Variants in PUDP observed in about 807,000 individuals in gnomAD.
PUDP encodes pseudouridine 5'-phosphatase.
A neutral mutation model predicts 9.4 loss-of-function variants in PUDP; 8 were observed. That is an observed-to-expected ratio of 0.85 (90% CI 0.50 to 1.53). PUDP has a LOEUF of 1.53. PUDP is among the 40% of genes most tolerant of loss of function. The probability of loss-of-function intolerance (pLI) is 0.00; values close to 1 mark genes in which losing one functional copy is unlikely to be tolerated. For missense variants in PUDP, 188 were observed against 189.7 expected (o/e 0.99, Z 0.05); for synonymous variants, 99 against 80.7 (o/e 1.23, Z -1.22).
At chrX:6,926,351 C>T (rs1441954591) in intron 3 of PUDP, among the ~76,000 whole-genome samples, 2 of 112,050 alleles carry the variant, frequency 1.8e-5, no homozygotes, top group African/African-American at 6.5e-5. Context: ...GGAATTAGAG[C>T]ACCTAAAAAT....
chrX:7,023,263 TA>T (rs1929658311), intron 1 of PUDP, among the ~76,000 whole-genome samples: 1 of 111,971 alleles, frequency 8.9e-6, no homozygotes, highest in African/African-American at 3.2e-5. Context: ...TGCAGGAATA[TA>T]AAAATATCTG....
Position 6,787,324 on chromosome X carries a change from G to A in PUDP, c.*248-80858C>T, listed in dbSNP as rs746613902. 1.5e-3 allele frequency among the ~76,000 whole-genome samples: 170 copies of A among 112,269 alleles called. 1 individual carries two copies. The highest frequency in any genetic ancestry group is 2.9e-3 in the Non-Finnish European group (153 of 53,307). On this transcript the variant is annotated intron_variant and NMD_transcript_variant, in intron 3 of 3. Coordinates refer to the PUDP transcript ENST00000655425. ...TAGACCTTGGGCTAGCTGCTAAGTA[G>A]AAGCTGAAACATCTGTGTCTCTGCT...
intron 3 of PUDP, among the ~76,000 whole-genome samples, chrX:6,733,793 T>TTTTTTTG: frequency 1.1e-5 from 1 of 93,408 alleles, no homozygotes; most frequent in Non-Finnish European, 2.1e-5. Flanking sequence ...TTTTTTTTTT[T>TTTTTTTG]TTGAGATGGA....
intron 1 of PUDP, among the ~76,000 whole-genome samples, chrX:6,988,159 C>A (rs1929127919): frequency 8.9e-6 from 1 of 112,022 alleles, no homozygotes; most frequent in African/African-American, 3.2e-5. Flanking sequence ...GGAACCACCA[C>A]GAAAAGGCAG....
chrX:6,964,446 A>T (rs6638645), intron 3 of PUDP, among the ~76,000 whole-genome samples: 2 of 110,661 alleles, frequency 1.8e-5, no homozygotes, highest in Admixed American at 1.9e-4. Context: ...GCTGAGGAAG[A>T]CAGTCTGCTT....
At chrX:6,923,539 G>A (rs191396781) in intron 3 of PUDP, among the ~76,000 whole-genome samples, 10 of 111,245 alleles carry the variant, frequency 9.0e-5, no homozygotes, top group Non-Finnish European at 1.7e-4. Context: ...GTGATCCTTG[G>A]GTCAGTGCTT....
chrX:7,122,439 A>C (rs1369117980), intron 1 of PUDP, among the ~76,000 whole-genome samples: 2 of 111,349 alleles, frequency 1.8e-5, no homozygotes, highest in African/African-American at 6.5e-5. Context: ...CTTCCTGTGT[A>C]CTTCCTTTCC....
intron 1 of PUDP, chrX:7,116,955 C>T (rs993112059): frequency 8.6e-7 from 1 of 1,166,158 alleles, no homozygotes. Context: ...TACATGCCTG[C>T]TCCTGCTTAC....
intron 3 of PUDP, among the ~76,000 whole-genome samples, chrX:6,798,111 T>C (rs1215829427): frequency 8.9e-6 from 1 of 112,165 alleles, no homozygotes; most frequent in East Asian, 2.8e-4. Context: ...TACCAAAGAC[T>C]GGGTAATTTA....
At chrX:7,104,505 C>T (rs1931824954) in intron 2 of PUDP, among the ~76,000 whole-genome samples, 1 of 111,958 alleles carries the variant, frequency 8.9e-6, no homozygotes, top group Non-Finnish European at 1.9e-5. Flanking sequence ...CTTATCACTA[C>T]TGAACTGCCC....
At chrX:6,776,869 A>G (rs1925473666) in intron 3 of PUDP, among the ~76,000 whole-genome samples, 1 of 112,476 alleles carries the variant, frequency 8.9e-6, no homozygotes, top group Admixed American at 9.5e-5. Context: ...TACAAATAAT[A>G]CTCCATGAAT....
intron 1 of PUDP, among the ~76,000 whole-genome samples, chrX:7,038,334 T>C (rs1280829592): frequency 2.7e-5 from 3 of 112,279 alleles, no homozygotes; most frequent in Non-Finnish European, 3.8e-5. Context: ...TTAGGGAGCA[T>C]CCATCTGGGC....
At chrX:6,992,800 T>C (rs1480283548) in intron 1 of PUDP, among the ~76,000 whole-genome samples, 2 of 111,621 alleles carry the variant, frequency 1.8e-5, no homozygotes, top group Non-Finnish European at 3.8e-5. Flanking sequence ...TTTGAGTCAG[T>C]GAACTGGGAG....
At chrX:6,751,014 C>T (rs1010745163) in intron 3 of PUDP, among the ~76,000 whole-genome samples, 22 of 109,574 alleles carry the variant, frequency 2.0e-4, no homozygotes, top group Admixed American at 8.8e-4. Context: ...TGGTGGTGGG[C>T]GCCTGTAGTC....
chrX:6,938,792 T>C (rs2042050068), intron 3 of PUDP, among the ~76,000 whole-genome samples: 1 of 103,202 alleles, frequency 9.7e-6, no homozygotes, highest in Non-Finnish European at 2.0e-5. Context: ...CTTTCTTTTT[T>C]TTTTTTTTTT....
chrX:7,012,586 A>C (rs1367438961), intron 1 of PUDP, among the ~76,000 whole-genome samples: 3 of 111,379 alleles, frequency 2.7e-5, no homozygotes, highest in Non-Finnish European at 5.6e-5. Context: ...TTAGGAAGAA[A>C]AGGGATCCTC....
At chrX:6,899,142 A>G (rs565379113) in intron 3 of PUDP, among the ~76,000 whole-genome samples, 1 of 112,573 alleles carries the variant, frequency 8.9e-6, no homozygotes, top group African/African-American at 3.2e-5. Flanking sequence ...ATTTCTGTCA[A>G]TCACAGGGTG....
chrX:6,981,599 A>G (rs1048315831), intron 1 of PUDP, among the ~76,000 whole-genome samples: 52 of 111,393 alleles, frequency 4.7e-4, no homozygotes, highest in African/African-American at 1.6e-3. Context: ...ATAAATCCCA[A>G]CCCCGATTTA....
chrX:7,003,100 C>T (rs1194409106), intron 1 of PUDP, among the ~76,000 whole-genome samples: 6 of 111,845 alleles, frequency 5.4e-5, no homozygotes, highest in African/African-American at 1.3e-4. Context: ...ATTCCTGAGA[C>T]GAAACAGTTT....
Sources: allele counts gnomAD v4.1 joint callset (sites outside exome capture counted in the v4.1 genomes callset), GRCh38; gene constraint gnomAD v4.1.1; transcripts MANE v1.5; gene names NCBI Gene and HGNC (gene_info 2026-07-23, HGNC 2026-07-21).